Variants in PRKG1 observed in about 807,000 individuals in gnomAD.
PRKG1 encodes the protein cGMP-dependent protein kinase 1.
A neutral mutation model predicts 88.1 loss-of-function variants in PRKG1; 35 were observed. The ratio of observed to expected loss-of-function variants is 0.40; its 90% CI spans 0.30 to 0.53. The LOEUF (loss-of-function observed/expected upper bound fraction) is 0.53, where lower values mean the gene tolerates loss of function less well. PRKG1 is among the 20% of genes least tolerant of loss of function. PRKG1 has a pLI of 0.59. For synonymous variants in PRKG1, 303 were observed against 292.5 expected, an observed-to-expected ratio of 1.04 and a Z score of -0.37; for missense variants, 540 against 839.8, an observed-to-expected ratio of 0.64 and a Z score of 4.41.
intron 5 of PRKG1, among the ~76,000 whole-genome samples, chr10:51,952,411 A>G (rs776121510): frequency 2.0e-5 from 3 of 152,152 alleles, no homozygotes; most frequent in Admixed American, 2.0e-4. Flanking sequence ...GAGCTCTACT[A>G]CTTACTAGCT....
At chr10:51,007,211 C>CT in intron 1 of PRKG1, among the ~76,000 whole-genome samples, 1 of 152,080 alleles carries the variant, frequency 6.6e-6, no homozygotes, top group East Asian at 1.9e-4. Flanking sequence ...TCCTAAAGTG[C>CT]TGGGATTACA....
chr10:51,804,462 T>A (rs1839253522), intron 3 of PRKG1, 123 bp from the exon 4 acceptor site: 3 of 678,134 alleles, frequency 4.4e-6, no homozygotes, highest in Non-Finnish European at 7.5e-6. Flanking sequence ...CTTTAAATGT[T>A]TGTAAAAAGT....
At position 51,145,475 on chromosome 10, in the gene PRKG1, A is replaced by G. The variant is rs1845921985; in HGVS notation, c.312-7689A>G. Among the ~76,000 whole-genome samples, 4 of 152,278 alleles carry G rather than the reference A, an allele frequency of 2.6e-5. No individual in the cohort carries two copies. The South Asian group carries it at 8.3e-4, about 32-fold the overall frequency. On this transcript the variant is annotated intron_variant, in intron 1 of 17. Transcript: ENST00000373980. The stretch of plus-strand genomic sequence containing the variant: ...TAATGAAATGCGTACGGTCTTATTT[A>G]TTCTCAGGCAAGGCACTTTACGTTA...
chr10:51,807,170 G>A (rs1348081809), intron 4 of PRKG1, among the ~76,000 whole-genome samples: 4 of 152,128 alleles, frequency 2.6e-5, no homozygotes, highest in Non-Finnish European at 4.4e-5. Flanking sequence ...TTTGTAGATA[G>A]GCACTTTATA....
At chr10:52,065,569 C>A (rs1846337333) in intron 7 of PRKG1, among the ~76,000 whole-genome samples, 1 of 152,058 alleles carries the variant, frequency 6.6e-6, no homozygotes, top group South Asian at 2.1e-4. Context: ...AATCATCTTA[C>A]TCAGGCTATA....
intron 7 of PRKG1, among the ~76,000 whole-genome samples, chr10:52,094,181 T>G (rs1387592204): frequency 6.6e-6 from 1 of 152,172 alleles, no homozygotes; most frequent in African/African-American, 2.4e-5. Flanking sequence ...AGTTGTATTA[T>G]GCTTGACAAA....
At chr10:51,153,090 TG>T in intron 1 of PRKG1, 73 bp from the exon 2 acceptor site, 1 of 1,393,386 alleles carries the variant, frequency 7.2e-7, no homozygotes, top group Non-Finnish European at 9.8e-7. Context: ...GAGCACTCTA[TG>T]GCGCTGCTAA....
chr10:52,114,114 T>C (rs762882587), intron 7 of PRKG1, among the ~76,000 whole-genome samples: 1 of 152,096 alleles, frequency 6.6e-6, no homozygotes, highest in Non-Finnish European at 1.5e-5. Flanking sequence ...TGTGAGTTTA[T>C]GTCTATGTTA....
At chr10:52,142,401 A>T (rs1021920028) in intron 8 of PRKG1, among the ~76,000 whole-genome samples, 2 of 152,164 alleles carry the variant, frequency 1.3e-5, no homozygotes, top group Admixed American at 6.6e-5. Flanking sequence ...TCCTTCAAGA[A>T]TCTTGGAGTC....
chr10:52,043,459 C>A (rs1845794365), intron 5 of PRKG1, among the ~76,000 whole-genome samples: 1 of 151,858 alleles, frequency 6.6e-6, no homozygotes, highest in African/African-American at 2.4e-5. Flanking sequence ...ATAAGTCAAA[C>A]ATAAAAAGCT....
chr10:51,712,580 CTTTTTTTTTT>C (rs60053336), intron 3 of PRKG1, among the ~76,000 whole-genome samples: 9 of 96,026 alleles, frequency 9.4e-5, no homozygotes, highest in South Asian at 3.5e-4. Flanking sequence ...AATATTATTC[CTTTTTTTTTT>C]TTTTTTTTTT....
intron 3 of PRKG1, among the ~76,000 whole-genome samples, chr10:51,780,941 A>T (rs1039615744): frequency 1.3e-5 from 2 of 152,152 alleles, no homozygotes; most frequent in African/African-American, 2.4e-5. Context: ...AAGCCTTTGA[A>T]AGAAATGTTT....
chr10:52,213,879 G>A (rs989411677), intron 9 of PRKG1, among the ~76,000 whole-genome samples: 8 of 152,226 alleles, frequency 5.3e-5, no homozygotes, highest in Non-Finnish European at 5.9e-5. Context: ...TAATACTAAC[G>A]TAACACATCC....
Position 51,642,207 on chromosome 10 carries a change from T to G in PRKG1, c.593-162378T>G, listed in dbSNP as rs1589154636. Among the ~76,000 whole-genome samples the G allele has an allele frequency of 2.0e-5, 3 of 152,024 alleles. No individual in the cohort carries two copies. In the East Asian group the frequency reaches 5.8e-4, roughly 29 times the overall value. ...GAGTTTGAGACCAGCCTGACCAACA[T>G]GGTGAAACTCCTTCTCCACTAAAAA... On this transcript the variant is annotated intron_variant, in intron 3 of 17. Coordinates refer to ENST00000373980, the MANE Select transcript of PRKG1 (RefSeq NM_006258.4).
intron 3 of PRKG1, among the ~76,000 whole-genome samples, chr10:51,722,937 G>A (rs2132454664): frequency 6.6e-6 from 1 of 152,254 alleles, no homozygotes. Context: ...CTCTCTCCAA[G>A]TGGAAGGATT....
chr10:51,605,397 C>A (rs966202575), intron 3 of PRKG1, among the ~76,000 whole-genome samples: 4 of 152,178 alleles, frequency 2.6e-5, no homozygotes, highest in African/African-American at 9.7e-5. Flanking sequence ...TTCCCTGCCC[C>A]ACTCTCGTAT....
chr10:51,445,022 C>A (rs1839230229), intron 2 of PRKG1, among the ~76,000 whole-genome samples: 1 of 151,898 alleles, frequency 6.6e-6, no homozygotes, highest in Admixed American at 6.6e-5. Context: ...TTCAGCAGAG[C>A]TTTCTGGAAG....
chr10:52,255,020 G>A (rs1841275451), intron 10 of PRKG1, among the ~76,000 whole-genome samples: 2 of 152,030 alleles, frequency 1.3e-5, no homozygotes, highest in African/African-American at 4.8e-5. Context: ...TTTCTGGCAT[G>A]TGCCATATTT....
intron 7 of PRKG1, among the ~76,000 whole-genome samples, chr10:52,087,392 T>A (rs1161732530): frequency 1.3e-5 from 2 of 152,212 alleles, no homozygotes; most frequent in Non-Finnish European, 2.9e-5. Flanking sequence ...TTTTAAGGTT[T>A]CTTATCTATT....
Sources: allele counts gnomAD v4.1 joint callset (sites outside exome capture counted in the v4.1 genomes callset), GRCh38; gene constraint gnomAD v4.1.1; transcripts MANE v1.5; gene names NCBI Gene and HGNC (gene_info 2026-07-23, HGNC 2026-07-21).